ZNF562: variants seen among roughly 807,000 people sequenced by gnomAD.
The protein encoded by ZNF562 is zinc finger protein 562.
A neutral mutation model predicts 17.5 loss-of-function variants in ZNF562; 13 were observed. That is an observed-to-expected ratio of 0.74 (90% CI 0.48 to 1.18). The LOEUF is 1.18. Among genes scored for constraint, ZNF562 ranks in the 50% most tolerant of loss-of-function variants. The pLI, the probability that ZNF562 is intolerant of heterozygous loss-of-function variation, is 0.00. For missense variants in ZNF562, 481 were observed against 498.5 expected, an observed-to-expected ratio of 0.96 and a Z score of 0.33; for synonymous variants, 163 against 165.4, an observed-to-expected ratio of 0.99 and a Z score of 0.11.
rs753536764 is a variant in ZNF562 at position 9,651,283 on chromosome 19, T to A, written c.*1666A>T. 6.6e-6 allele frequency: 1 copy of A among 152,184 alleles called. No individual in the cohort carries two copies. The highest frequency in any genetic ancestry group is 1.5e-5 in the Non-Finnish European group (1 of 68,046). The allele number at this position is 152,184 out of a possible 1,614,324, so 9.4% of individuals were successfully genotyped here. A position where few individuals can be genotyped will look rare whatever the true frequency, so the allele number is the denominator to read the frequency against. On this transcript the variant is annotated 3_prime_UTR_variant, in exon 6 of 6. Transcript: ENST00000453372. ...TTGGGAAATGAAGAAAAGACAACCC[T>A]TGATATAAAGTGGTGAAGAACTTGG...
At position 9,655,152 on chromosome 19, in the gene ZNF562, G is replaced by A. The variant is rs531832424; in HGVS notation, c.349-1271C>T. On this transcript the variant is annotated intron_variant, in intron 5 of 5. Transcript: ENST00000453372. ...ATTACAGGTGCATGCCAACGTGCCC[G>A]GCTAATTTTTTATTTTTTTGTAGAG... 1.9e-3 allele frequency among the ~76,000 whole-genome samples: 296 copies of A among 151,822 alleles called. 2 individuals carry two copies. Among genetic ancestry groups the A allele is most frequent in the Non-Finnish European group, 1.6e-3 (110 of 67,920 alleles).
At position 9,658,029 on chromosome 19, in the gene ZNF562, T is replaced by C. The variant is rs1232471033; in HGVS notation, c.221A>G (p.Tyr74Cys). The C allele has an allele frequency of 6.2e-7, 1 of 1,613,228 alleles. No homozygotes were observed. Among genetic ancestry groups the C allele is most frequent in the East Asian group, 2.2e-5 (1 of 44,860 alleles). Residue 74 changes from tyrosine (Y) to cysteine (C), a missense_variant, in exon 4 of 6, where the codon TAC becomes TGC. By Grantham distance (194) the Tyr-to-Cys change is radical (BLOSUM62 -2). Transcript: ENST00000453372. Reference sequence around the variant, plus strand: ...CTTACCCACAGAGGCCAGGTTCATGTAGTTCTCCAGCATCACATCTCTGTA... The same window carrying C: ...CTTACCCACAGAGGCCAGGTTCATGCAGTTCTCCAGCATCACATCTCTGTA... ...YLYRDVMLEN[Y>C]MNLASVDFFF...
At chr19:9,660,529 C>A (rs558214560) in intron 2 of ZNF562, among the ~76,000 whole-genome samples, 191 bp downstream of exon 2, 1 of 151,930 alleles carries the variant, frequency 6.6e-6, no homozygotes, top group Admixed American at 6.6e-5. Context: ...TTGTTTGAAC[C>A]CAGGAGGTGG....
chr19:9,645,293 T>C lies in ZNF562; in HGVS notation c.*7656A>G, dbSNP rs1158362366. The C allele has an allele frequency of 6.6e-6, 1 of 152,072 alleles. No homozygotes were observed. Among genetic ancestry groups the C allele is most frequent in the Non-Finnish European group, 1.5e-5 (1 of 68,048 alleles). The allele number at this position is 152,072 out of a possible 1,614,324, so 9.4% of individuals were successfully genotyped here. A position where few individuals can be genotyped will look rare whatever the true frequency, so the allele number is the denominator to read the frequency against. The stretch of plus-strand genomic sequence containing the variant: ...ATCTCTTGGCCTCGTGATCCAACCA[T>C]CTCAGCCTCCCAAAGTGCTGGGTTT... On this transcript the variant is annotated 3_prime_UTR_variant, in exon 6 of 6. Transcript: ENST00000453372.
Position 9,653,030 on chromosome 19 carries a change from A to G in ZNF562, c.1200T>C (p.Tyr400=). The G allele has an allele frequency of 1.3e-6, 2 of 1,578,160 alleles. No homozygotes were observed. Among genetic ancestry groups the G allele is most frequent in the African/African-American group, 1.4e-5 (1 of 73,622 alleles). Reference sequence around the variant, plus strand: ...AGGTCTTCCCACATTCAACACATTCATAAGGCTTCTCTCCTGTGTGAATTC... The same window carrying G: ...AGGTCTTCCCACATTCAACACATTCGTAAGGCTTCTCTCCTGTGTGAATTC... ...HRRIHTGEKP[Y]ECVECGKTFI... The change falls in exon 6 of 6, where the codon TAT becomes TAC. Residue 400 remains tyrosine (Y), a synonymous_variant. Transcript: ENST00000453372.
At chr19:9,661,685 C>T (rs1275272120) in intron 1 of ZNF562, among the ~76,000 whole-genome samples, 1 of 152,118 alleles carries the variant, frequency 6.6e-6, no homozygotes. Flanking sequence ...ATCCCAGCTA[C>T]TCAGGATGCT....
intron 1 of ZNF562, among the ~76,000 whole-genome samples, chr19:9,673,803 C>T (rs986992106): frequency 6.6e-5 from 10 of 151,790 alleles, no homozygotes; most frequent in Admixed American, 3.9e-4. Context: ...GTCAGGAGTT[C>T]GAGACCAGCC....
At position 9,660,839 on chromosome 19, in the gene ZNF562, A is replaced by G. The variant is rs1422924403; in HGVS notation, c.-95T>C. 1 of 1,307,554 alleles carries G rather than the reference A, an allele frequency of 7.6e-7. No homozygotes were observed. The highest frequency in any genetic ancestry group is 1.5e-5 in the African/African-American group (1 of 68,380). 81.0% of individuals were successfully genotyped at this position (1,307,554 alleles called of 1,614,324 possible). ...TTATGAATCTAGGTGGATACAGGCA[A>G]TCTCCATTCCCCTTTGTACAGGGTT... On this transcript the variant is annotated 5_prime_UTR_variant, in exon 2 of 6. Transcript: ENST00000453372.
chr19:9,658,460 A>G lies in ZNF562; in HGVS notation c.115-325T>C, dbSNP rs143252504. 2.7e-5 allele frequency: 12 copies of G among 448,478 alleles called. No individual in the cohort carries two copies. The East Asian group carries it at 1.9e-3, about 71-fold the overall frequency. The allele number at this position is 448,478 out of a possible 1,614,324, so 27.8% of individuals were successfully genotyped here. On this transcript the variant is annotated intron_variant, in intron 3 of 5. Transcript: ENST00000453372. ...CACCTCCTAAGTTCAAGTGATTCTC[A>G]TGCCTCAGCCTCCCAAGTAGATGGG...
chr19:9,669,456 CAA>C (rs1487072404), intron 1 of ZNF562, among the ~76,000 whole-genome samples: 1 of 152,060 alleles, frequency 6.6e-6, no homozygotes. Flanking sequence ...CAGGGAATAA[CAA>C]ATGCTGATGA....
At chr19:9,661,637 T>G (rs1196388940) in intron 1 of ZNF562, among the ~76,000 whole-genome samples, 1 of 151,980 alleles carries the variant, frequency 6.6e-6, no homozygotes, top group Non-Finnish European at 1.5e-5. Context: ...CTACTAAAAA[T>G]AGAAAAAATT....
intron 1 of ZNF562, among the ~76,000 whole-genome samples, chr19:9,662,667 G>A (rs1425311366): frequency 2.0e-5 from 3 of 151,928 alleles, no homozygotes; most frequent in African/African-American, 4.8e-5. Flanking sequence ...AGACCACAAG[G>A]TCAGGAGATC....
At chr19:9,655,829 G>T (rs1443971239) in intron 5 of ZNF562, among the ~76,000 whole-genome samples, 2 of 134,892 alleles carry the variant, frequency 1.5e-5, no homozygotes, top group East Asian at 5.0e-4. Flanking sequence ...TCGGCCTCTG[G>T]GTAAGCAATT....
chr19:9,657,922 C>T (rs1422151062), intron 4 of ZNF562, 87 bp downstream of exon 4: 1 of 1,481,104 alleles, frequency 6.8e-7, no homozygotes, highest in Non-Finnish European at 9.0e-7. Flanking sequence ...AACTCCCAGG[C>T]TCCAGCGATT....
chr19:9,672,390 G>A (rs1409719159), intron 1 of ZNF562, among the ~76,000 whole-genome samples: 1 of 152,128 alleles, frequency 6.6e-6, no homozygotes, highest in Non-Finnish European at 1.5e-5. Context: ...AGCATCACAT[G>A]TACAATTTAT....
At chr19:9,665,781 G>A (rs926079138) in intron 1 of ZNF562, among the ~76,000 whole-genome samples, 5 of 152,074 alleles carry the variant, frequency 3.3e-5, no homozygotes, top group African/African-American at 7.2e-5. Flanking sequence ...TTGGGAGGCC[G>A]ACACAGGTGG....
intron 1 of ZNF562, among the ~76,000 whole-genome samples, chr19:9,668,528 G>T (rs1167409461): frequency 6.6e-6 from 1 of 151,968 alleles, no homozygotes; most frequent in Non-Finnish European, 1.5e-5. Context: ...TTGTTAAAAT[G>T]ACAATACTAC....
chr19:9,646,091 G>A lies in ZNF562; in HGVS notation c.*6858C>T, dbSNP rs1420693833. 2.3e-5 allele frequency: 3 copies of A among 128,090 alleles called. No individual in the cohort carries two copies. The allele number at this position is 128,090 out of a possible 1,614,324, so 7.9% of individuals were successfully genotyped here. A position where few individuals can be genotyped will look rare whatever the true frequency, so the allele number is the denominator to read the frequency against. ...TTTTTCTTTTTTTTTTTTTTTTTGT[G>A]ACAGAGTTTCACTCTTGTTGCCCAG... On this transcript the variant is annotated 3_prime_UTR_variant, in exon 6 of 6. Coordinates refer to ENST00000453372, the MANE Select transcript of ZNF562 (RefSeq NM_001130031.2).
rs994109942 is a variant in ZNF562 at position 9,642,563 on chromosome 19, C to T, written c.*10386G>A. The T allele has an allele frequency of 6.6e-6, 1 of 152,048 alleles. No individual in the cohort carries two copies. Among genetic ancestry groups the T allele is most frequent in the Admixed American group, 6.6e-5 (1 of 15,234 alleles). 9.4% of individuals were successfully genotyped at this position (152,048 alleles called of 1,614,324 possible). On this transcript the variant is annotated 3_prime_UTR_variant, in exon 6 of 6. Transcript: ENST00000453372. ...CATTGTTGGCATTACAACTGTGAGC[C>T]ACTCTGCTTGGCCCTTTATTCTTTT...
Sources: gnomAD v4.1 joint callset for allele counts (sites outside exome capture counted in the v4.1 genomes callset) on GRCh38, gnomAD v4.1.1 for gene constraint, MANE v1.5 for transcripts, NCBI Gene and HGNC (gene_info 2026-07-23, HGNC 2026-07-21) for gene names.